MRPS9: variants seen among roughly 807,000 people sequenced by gnomAD.
MRPS9 encodes small ribosomal subunit protein uS9m.
In MRPS9, 45 loss-of-function variants were observed where a neutral mutation model predicts 59.9. The ratio of observed to expected loss-of-function variants is 0.75; its 90% CI spans 0.59 to 0.96. The LOEUF (loss-of-function observed/expected upper bound fraction) is 0.96, where lower values mean the gene tolerates loss of function less well. MRPS9 is among the 40% of genes least tolerant of loss of function. The pLI is 0.00. For synonymous variants in MRPS9, 171 were observed against 166.8 expected, an observed-to-expected ratio of 1.03 and a Z score of -0.19; for missense variants, 473 against 481.1, an observed-to-expected ratio of 0.98 and a Z score of 0.16.
intron 1 of MRPS9, among the ~76,000 whole-genome samples, chr2:105,042,466 G>A (rs1270300007): frequency 6.6e-6 from 1 of 152,228 alleles, no homozygotes; most frequent in Non-Finnish European, 1.5e-5. Context: ...GATTCACTGG[G>A]AGCCATCTTG....
At chr2:105,073,629 C>T (rs1412379973) in intron 4 of MRPS9, among the ~76,000 whole-genome samples, 6 of 152,090 alleles carry the variant, frequency 3.9e-5, no homozygotes, top group African/African-American at 7.2e-5. Context: ...TGAAATCTTG[C>T]TCTGTATGTT....
chr2:105,061,343 G>C (rs1191142154), intron 2 of MRPS9, among the ~76,000 whole-genome samples: 1 of 92,314 alleles, frequency 1.1e-5, no homozygotes, highest in African/African-American at 4.0e-5. Context: ...TGGGCCTTGT[G>C]GGGTGGGAAG....
At chr2:105,057,120 C>A (rs1464783993) in intron 2 of MRPS9, among the ~76,000 whole-genome samples, 1 of 152,106 alleles carries the variant, frequency 6.6e-6, no homozygotes, top group East Asian at 1.9e-4. Context: ...GATTTTTGCC[C>A]AGTTTCTTAA....
chr2:105,080,189 G>A lies in MRPS9; in HGVS notation c.489+127G>A, dbSNP rs543475772. Reference sequence around the variant, plus strand: ...ATTGACAAAAATAAGACTTCTAGAGGTAGGACAGTGTGTTGATGAAATGAT... The same window carrying A: ...ATTGACAAAAATAAGACTTCTAGAGATAGGACAGTGTGTTGATGAAATGAT... On this transcript the variant is annotated intron_variant, in intron 5 of 10. Coordinates refer to ENST00000258455, the MANE Select transcript of MRPS9 (RefSeq NM_182640.3). 5.9e-6 allele frequency: 3 copies of A among 512,714 alleles called. No homozygotes were observed. The South Asian group carries it at 1.1e-4, about 18-fold the overall frequency. 31.8% of individuals were successfully genotyped at this position (512,714 alleles called of 1,614,324 possible).
At chr2:105,060,327 G>A (rs753731424) in intron 2 of MRPS9, among the ~76,000 whole-genome samples, 2 of 152,178 alleles carry the variant, frequency 1.3e-5, no homozygotes, top group Admixed American at 6.5e-5. Flanking sequence ...TGTTGCCCAG[G>A]CTGGAGTGTA....
intron 1 of MRPS9, among the ~76,000 whole-genome samples, chr2:105,044,224 C>T (rs759179089): frequency 1.3e-5 from 2 of 151,606 alleles, no homozygotes; most frequent in Admixed American, 6.5e-5. Context: ...TGAGCCACTG[C>T]GCCTGGCTGC....
At chr2:105,099,318 C>T in intron 10 of MRPS9, 1 of 169,580 alleles carries the variant, frequency 5.9e-6, no homozygotes, top group Non-Finnish European at 1.3e-5. Flanking sequence ...AGTAAGTGTG[C>T]AGGTTAAGTT....
At chr2:105,041,724 C>T (rs1679506159) in intron 1 of MRPS9, among the ~76,000 whole-genome samples, 1 of 152,006 alleles carries the variant, frequency 6.6e-6, no homozygotes, top group African/African-American at 2.4e-5. Context: ...ATTAGTTATG[C>T]CCTACCCCGA....
At chr2:105,071,232 C>A (rs1680104941) in intron 2 of MRPS9, 81 bp from the exon 3 acceptor site, 2 of 1,070,226 alleles carry the variant, frequency 1.9e-6, no homozygotes, top group East Asian at 2.4e-5. Flanking sequence ...CAATGTCCAG[C>A]ATATAGAAAG....
intron 1 of MRPS9, among the ~76,000 whole-genome samples, chr2:105,044,601 CA>C (rs1371991217): frequency 1.3e-5 from 2 of 152,050 alleles, no homozygotes. Flanking sequence ...AAATGGACAA[CA>C]ATGAAAATGT....
chr2:105,059,351 A>G (rs1344892159), intron 2 of MRPS9, among the ~76,000 whole-genome samples: 1 of 152,112 alleles, frequency 6.6e-6, no homozygotes, highest in Admixed American at 6.5e-5. Context: ...TTTTGTATGT[A>G]GTTGAGCTGT....
intron 1 of MRPS9, 78 bp from the exon 2 acceptor site, chr2:105,049,093 T>C: frequency 1.0e-6 from 1 of 1,000,158 alleles, no homozygotes; most frequent in Non-Finnish European, 1.5e-6. Context: ...TTGCATATAC[T>C]ATTTTATTTA....
chr2:105,092,467 T>C lies in MRPS9; in HGVS notation c.718T>C (p.Phe240Leu). 1 of 1,613,924 alleles carries C rather than the reference T, an allele frequency of 6.2e-7. No individual in the cohort carries two copies. Among genetic ancestry groups the C allele is most frequent in the South Asian group, 1.1e-5 (1 of 91,052 alleles). The change falls in exon 8 of 11, where the codon TTT becomes CTT. Residue 240 changes from phenylalanine to leucine, a missense_variant. By Grantham distance (22) the Phe-to-Leu change is conservative (BLOSUM62 0). Transcript: ENST00000258455. ...GCAGTGTGGTGCTGCTGAGGAAGAATTTGTGCAGAGGTTTCGAAGAAGTGT... is the reference window on the plus strand; with the variant it reads ...GCAGTGTGGTGCTGCTGAGGAAGAACTTGTGCAGAGGTTTCGAAGAAGTGT... ...TSQCGAAEEE[F>L]VQRFRRSVTL...
At chr2:105,057,999 A>G (rs1679826930) in intron 2 of MRPS9, among the ~76,000 whole-genome samples, 1 of 152,330 alleles carries the variant, frequency 6.6e-6, no homozygotes, top group Admixed American at 6.5e-5. Context: ...AATTGGTATT[A>G]TAGACCTCAT....
intron 2 of MRPS9, among the ~76,000 whole-genome samples, chr2:105,060,974 G>A (rs557155612): frequency 6.6e-6 from 1 of 151,628 alleles, no homozygotes; most frequent in African/African-American, 2.4e-5. Flanking sequence ...AGCCGGGCAT[G>A]GTGGTGAGTG....
Position 105,067,647 on chromosome 2 carries a change from A to G in MRPS9, c.316-3666A>G, listed in dbSNP as rs148182057. ...ATTGATGGTTAATTTGGAAGTTGTA[A>G]AATGGTGATTTTCTACTTCTGTCAC... On this transcript the variant is annotated intron_variant, in intron 2 of 10. Transcript: ENST00000258455. Among the ~76,000 whole-genome samples the G allele has an allele frequency of 3.3e-3, 506 of 152,108 alleles. 5 individuals are homozygous for G. The highest frequency in any genetic ancestry group is 0.011 in the African/African-American group (470 of 41,418).
At position 105,049,340 on chromosome 2, in the gene MRPS9, A is replaced by C; in HGVS notation, c.305A>C (p.Glu102Ala). Residue 102 changes from glutamate (E) to alanine (A), a missense_variant, in exon 2 of 11, where the codon GAA (glutamate) becomes GCA (alanine). Physicochemically the swap from Glu to Ala is moderately radical, Grantham distance 107 (BLOSUM62 -1). Coordinates refer to ENST00000258455, the MANE Select transcript of MRPS9 (RefSeq NM_182640.3). ...MGEDPETFTQEDIDRAIAYLF... is the reference protein window; with the variant it reads ...MGEDPETFTQADIDRAIAYLF... ...GAAGATCCAGAAACTTTCACTCAAGAAGATATTGACGTAAGTACAGTTACT... is the reference window on the plus strand; with the variant it reads ...GAAGATCCAGAAACTTTCACTCAAGCAGATATTGACGTAAGTACAGTTACT... 6.2e-7 allele frequency: 1 copy of C among 1,610,510 alleles called. No homozygotes were observed. Among genetic ancestry groups the C allele is most frequent in the Middle Eastern group, 1.7e-4 (1 of 6,044 alleles).
At chr2:105,060,614 A>G (rs1038115947) in intron 2 of MRPS9, among the ~76,000 whole-genome samples, 1 of 152,180 alleles carries the variant, frequency 6.6e-6, no homozygotes, top group Non-Finnish European at 1.5e-5. Flanking sequence ...CCAAGGACTC[A>G]GGAGATCAGC....
chr2:105,052,094 C>A, intron 2 of MRPS9, among the ~76,000 whole-genome samples: 1 of 143,796 alleles, frequency 7.0e-6, no homozygotes, highest in East Asian at 2.0e-4. Context: ...CTTCATTTTT[C>A]CTATTTGGAT....
Sources: allele counts gnomAD v4.1 joint callset (sites outside exome capture counted in the v4.1 genomes callset), GRCh38; gene constraint gnomAD v4.1.1; transcripts MANE v1.5; gene names NCBI Gene and HGNC (gene_info 2026-07-23, HGNC 2026-07-21).